Variants in FAM114A1 observed in about 807,000 individuals in gnomAD.
The protein encoded by FAM114A1 is family with sequence similarity 114 member A1, also known as protein NOXP20.
FAM114A1 carries 62 observed loss-of-function variants against 64.3 expected under a neutral mutation model. The observed-to-expected ratio is 0.96, with a 90% CI of 0.79 to 1.19. The LOEUF (loss-of-function observed/expected upper bound fraction) is 1.19, where lower values mean the gene tolerates loss of function less well. Among genes scored for constraint, FAM114A1 ranks in the 50% most tolerant of loss-of-function variants. FAM114A1 has a pLI of 0.00. For missense variants in FAM114A1, 645 were observed against 676.3 expected, an observed-to-expected ratio of 0.95 and a Z score of 0.51; for synonymous variants, 254 against 251.1, an observed-to-expected ratio of 1.01 and a Z score of -0.11.
chr4:38,911,971 C>G (rs1262517275), intron 7 of FAM114A1, among the ~76,000 whole-genome samples: 2 of 151,224 alleles, frequency 1.3e-5, no homozygotes, highest in African/African-American at 2.4e-5. Context: ...AAGCAATTCC[C>G]CTGCCTCAGC....
chr4:38,878,957 G>C lies in FAM114A1; in HGVS notation c.348+531G>C, dbSNP rs148642921. Among the ~76,000 whole-genome samples the C allele has an allele frequency of 6.2e-4, 94 of 151,966 alleles. No homozygotes were observed. In the East Asian group the frequency reaches 0.012, roughly 20 times the overall value. Reference sequence around the variant, plus strand: ...GGAGATCTTCAGCCTTCAGATCACTGTTTTATCATCACACATCACCTTCCA... The same window carrying C: ...GGAGATCTTCAGCCTTCAGATCACTCTTTTATCATCACACATCACCTTCCA... On this transcript the variant is annotated intron_variant, in intron 3 of 14. Transcript: ENST00000358869.
chr4:38,904,236 T>C (rs1717780294), intron 4 of FAM114A1, among the ~76,000 whole-genome samples: 1 of 152,206 alleles, frequency 6.6e-6, no homozygotes. Context: ...GCCTGTGCTG[T>C]TTCTCCTTCA....
Position 38,905,578 on chromosome 4 carries a change from G to T in FAM114A1, c.493G>T (p.Val165Leu). Residue 165 changes from valine (V) to leucine (L), a missense_variant, in exon 5 of 15, where the codon GTA (valine) becomes TTA (leucine). Transcript: ENST00000358869. ...AGGAGCCACTCTACGGATTCATGGT[G>T]TAAATTCTGGATCTTCTGAAGGAGC... ...KAGATLRIHG[V>L]NSGSSEGAQP... 2 of 1,614,162 alleles carry T rather than the reference G, an allele frequency of 1.2e-6. No individual in the cohort carries two copies. Among genetic ancestry groups the T allele is most frequent in the Non-Finnish European group, 1.7e-6 (2 of 1,180,028 alleles).
rs771413685 is a variant in FAM114A1, at chr4:38,908,574, C to T, written c.658-18C>T. On this transcript the variant is annotated intron_variant, in intron 6 of 14. Coordinates refer to ENST00000358869, the MANE Select transcript of FAM114A1 (RefSeq NM_138389.4). The stretch of plus-strand genomic sequence containing the variant: ...CAAAACCTAAACATCTAATCTCATG[C>T]AGTTATCTCATCTGCAGGGTAAAAG... 5 of 1,589,870 alleles carry T rather than the reference C, an allele frequency of 3.1e-6. No homozygotes were observed. The South Asian group carries it at 4.5e-5, about 14-fold the overall frequency.
rs760661382 is a variant in FAM114A1 at position 38,944,565 on chromosome 4, G to C, written c.*1008G>C. On this transcript the variant is annotated 3_prime_UTR_variant, in exon 15 of 15. Transcript: ENST00000358869. ...TGGTTAGGAACCAGGCCACACAGCAGGGGGTGAGCGGTGGGTGAGTGAGCA... is the reference window on the plus strand; with the variant it reads ...TGGTTAGGAACCAGGCCACACAGCACGGGGTGAGCGGTGGGTGAGTGAGCA... 6.6e-6 allele frequency: 1 copy of C among 152,240 alleles called. No homozygotes were observed. Among genetic ancestry groups the C allele is most frequent in the African/African-American group, 2.4e-5 (1 of 41,426 alleles). The allele number at this position is 152,240 out of a possible 1,614,324, so 9.4% of individuals were successfully genotyped here.
rs554565147 is a variant in FAM114A1 at position 38,887,477 on chromosome 4, T to C, written c.349-4266T>C. ...AAAACCTTGCTAAGTACTTAATAAT[T>C]GTTATAAAGCTACTAAAATAAATTT... On this transcript the variant is annotated intron_variant, in intron 3 of 14. Coordinates refer to ENST00000358869, the MANE Select transcript of FAM114A1 (RefSeq NM_138389.4). Among the ~76,000 whole-genome samples, 43 of 152,340 alleles carry C rather than the reference T, an allele frequency of 2.8e-4. No homozygotes were observed. In the South Asian group the frequency reaches 3.3e-3, roughly 12 times the overall value.
rs79175517 is a variant in FAM114A1 at position 38,932,135 on chromosome 4, G to C, written c.1324-100G>C. On this transcript the variant is annotated intron_variant, in intron 11 of 14. Coordinates refer to ENST00000358869, the MANE Select transcript of FAM114A1 (RefSeq NM_138389.4). ...GTTAACTATTTCGGGTTATATTTGG[G>C]GTATTTTTGAAAGAATTATATCACT... 3.6e-3 allele frequency: 4,672 copies of C among 1,291,660 alleles called. 145 individuals carry two copies. The African/African-American group carries it at 0.062, about 17-fold the overall frequency. 80.0% of individuals were successfully genotyped at this position (1,291,660 alleles called of 1,614,324 possible).
At position 38,914,910 on chromosome 4, in the gene FAM114A1, T is replaced by C; in HGVS notation, c.793-11T>C. ...GTACATCCAGAGTACAAACATTGTG[T>C]ATTTCTGCAGATGTTAAGGGAAGCT... On this transcript the variant is annotated splice_polypyrimidine_tract_variant and intron_variant, in intron 7 of 14. Coordinates refer to ENST00000358869, the MANE Select transcript of FAM114A1 (RefSeq NM_138389.4). 6.2e-7 allele frequency: 1 copy of C among 1,613,150 alleles called. No homozygotes were observed. Among genetic ancestry groups the C allele is most frequent in the Non-Finnish European group, 8.5e-7 (1 of 1,179,426 alleles).
chr4:38,899,070 A>G (rs913304275), intron 4 of FAM114A1, among the ~76,000 whole-genome samples: 5 of 150,748 alleles, frequency 3.3e-5, no homozygotes, highest in African/African-American at 1.2e-4. Context: ...CATTCAGTGG[A>G]ATACTATGCA....
chr4:38,931,132 A>G (rs924426026), intron 10 of FAM114A1, among the ~76,000 whole-genome samples: 1 of 152,200 alleles, frequency 6.6e-6, no homozygotes, highest in Admixed American at 6.5e-5. Flanking sequence ...AAAGTGAAAA[A>G]TATACCATAG....
chr4:38,871,896 G>A (rs887356448), intron 2 of FAM114A1, among the ~76,000 whole-genome samples: 1 of 152,174 alleles, frequency 6.6e-6, no homozygotes, highest in African/African-American at 2.4e-5. Flanking sequence ...ACTCAACTAA[G>A]CTTCTAGTCA....
intron 4 of FAM114A1, among the ~76,000 whole-genome samples, chr4:38,893,366 T>TA (rs1716580230): frequency 6.6e-6 from 1 of 152,270 alleles, no homozygotes; most frequent in African/African-American, 2.4e-5. Context: ...GTTTATATCA[T>TA]AAAACAGTCA....
chr4:38,920,967 G>T (rs1242937009), intron 8 of FAM114A1, among the ~76,000 whole-genome samples: 2 of 152,198 alleles, frequency 1.3e-5, no homozygotes, highest in African/African-American at 4.8e-5. Flanking sequence ...TTATGCCCTG[G>T]CAATGAGCTT....
intron 2 of FAM114A1, among the ~76,000 whole-genome samples, chr4:38,873,447 C>T (rs985745630): frequency 8.5e-5 from 13 of 152,160 alleles, no homozygotes; most frequent in Admixed American, 4.6e-4. Flanking sequence ...GCACAGGAAG[C>T]CATGCCAAGT....
intron 12 of FAM114A1, 88 bp from the exon 13 acceptor site, chr4:38,935,630 T>C: frequency 2.3e-6 from 2 of 878,794 alleles, no homozygotes; most frequent in Non-Finnish European, 3.5e-6. Flanking sequence ...TTAAATGTCA[T>C]ACTGAATTAG....
At chr4:38,893,139 C>T (rs1222249979) in intron 4 of FAM114A1, among the ~76,000 whole-genome samples, 2 of 152,370 alleles carry the variant, frequency 1.3e-5, no homozygotes, top group African/African-American at 4.8e-5. Context: ...GCTATCTCTT[C>T]ACAAGGGTGA....
At chr4:38,923,159 T>C (rs1482194604) in intron 9 of FAM114A1, among the ~76,000 whole-genome samples, 1 of 151,916 alleles carries the variant, frequency 6.6e-6, no homozygotes, top group Non-Finnish European at 1.5e-5. Context: ...TGAATGCATA[T>C]AGTCAGATAA....
At chr4:38,867,877 G>T in intron 1 of FAM114A1, 43 bp downstream of exon 1, 1 of 176,532 alleles carries the variant, frequency 5.7e-6, no homozygotes, top group African/African-American at 2.4e-5. Flanking sequence ...TTCCCCGGGG[G>T]GCGGGCGAGC....
Position 38,929,282 on chromosome 4 carries a change from A to G in FAM114A1, c.1110A>G (p.Thr370=), listed in dbSNP as rs1462897420. 1.9e-6 allele frequency: 3 copies of G among 1,614,090 alleles called. No homozygotes were observed. The highest frequency in any genetic ancestry group is 1.7e-5 in the Admixed American group (1 of 60,022). The change falls in exon 10 of 15, where the codon ACA becomes ACG. Residue 370 remains threonine (T), a synonymous_variant. Coordinates refer to ENST00000358869, the MANE Select transcript of FAM114A1 (RefSeq NM_138389.4). ...GAGAAGAATTTGCTCGCATGCTTAC[A>G]GAGCTTCTCTTTGAATTACATGTGG... The part of the protein sequence containing the change: ...EKGEEFARML[T]ELLFELHVAA...
Sources: allele counts gnomAD v4.1 joint callset (sites outside exome capture counted in the v4.1 genomes callset), GRCh38; gene constraint gnomAD v4.1.1; transcripts MANE v1.5; gene names NCBI Gene and HGNC (gene_info 2026-07-23, HGNC 2026-07-21).